The following GARIN5B variants were observed in gnomAD, a reference collection of about 807,000 sequenced individuals.
GARIN5B encodes golgi associated RAB2 interactor family member 5B.
At chr19:55,359,526 G>T in the GARIN5B span, 2 of 1,551,210 alleles carry the variant, frequency 1.3e-6, no homozygotes, top group Non-Finnish European at 1.7e-6. Context: ...TTCCGGGGAG[G>T]AGCTGACGCA....
chr19:55,360,602 G>A, the GARIN5B span: 1 of 1,413,496 alleles, frequency 7.1e-7, no homozygotes. Context: ...CCAGGTCCCA[G>A]CCTCTCCTCC....
the GARIN5B span, chr19:55,358,994 A>C: frequency 6.4e-7 from 1 of 1,551,174 alleles, no homozygotes; most frequent in Admixed American, 2.0e-5. Flanking sequence ...GGTTTGGCTA[A>C]TCAGGATGTC....
the GARIN5B span, chr19:55,360,921 C>T: frequency 1.9e-5 from 29 of 1,542,248 alleles, no homozygotes; most frequent in African/African-American, 1.5e-4. Flanking sequence ...GGAGCAATAC[C>T]GTGGGACTTT....
the GARIN5B span, chr19:55,358,934 C>A: frequency 2.6e-6 from 4 of 1,551,092 alleles, no homozygotes. Context: ...CCAGTGGGCC[C>A]AGTCCTCCAA....
At chr19:55,359,977 G>A in the GARIN5B span, 1 of 1,544,542 alleles carries the variant, frequency 6.5e-7, no homozygotes, top group Non-Finnish European at 8.7e-7. Flanking sequence ...CAGATGTGCA[G>A]GCCTGTAGGT....
chr19:55,358,960 GA>G, the GARIN5B span: 2 of 1,551,216 alleles, frequency 1.3e-6, no homozygotes, highest in South Asian at 2.4e-5. Context: ...CCTGGCCCCT[GA>G]AGGCCTCCAG....
chr19:55,357,293 G>A, the GARIN5B span, among the ~76,000 whole-genome samples: 3 of 151,902 alleles, frequency 2.0e-5, no homozygotes, highest in Non-Finnish European at 4.4e-5. Context: ...ACATAAATCC[G>A]TCTCCATCAT....
At chr19:55,360,490 CCCACCCCTCCTCCCTCAGACACAGA>C in the GARIN5B span, among the ~76,000 whole-genome samples, 10 of 147,442 alleles carry the variant, frequency 6.8e-5, no homozygotes, top group South Asian at 2.2e-4. Context: ...GTCCAGGCCC[CCCACCCCTCCTCCCTCAGACACAGA>C]AGTCCAGGCC....
the GARIN5B span, chr19:55,359,573 G>C: frequency 6.4e-7 from 1 of 1,551,230 alleles, no homozygotes; most frequent in East Asian, 2.4e-5. Context: ...TCCAGGTGGG[G>C]GTTTCCACGA....
the GARIN5B span, chr19:55,363,188 G>C: frequency 9.5e-7 from 1 of 1,051,194 alleles, no homozygotes; most frequent in Non-Finnish European, 1.3e-6. The surrounding 1 kb of genome is among the most constrained non-coding windows in gnomAD (Gnocchi z 4.0). Context: ...CAGCGTTACA[G>C]AGCGTGGAGA....
chr19:55,359,181 C>A, the GARIN5B span: 1 of 1,551,340 alleles, frequency 6.4e-7, no homozygotes, highest in Non-Finnish European at 8.7e-7. Context: ...ACGTCAAAAT[C>A]GCCAGGGAGC....
the GARIN5B span, chr19:55,362,842 C>T: frequency 6.8e-7 from 1 of 1,470,882 alleles, no homozygotes; most frequent in Non-Finnish European, 9.1e-7. Flanking sequence ...CCCGTTCCCT[C>T]TCAAGATCCC....
chr19:55,362,037 C>T, the GARIN5B span, among the ~76,000 whole-genome samples: 6 of 150,470 alleles, frequency 4.0e-5, no homozygotes, highest in African/African-American at 1.5e-4. Flanking sequence ...GTCCAGGCCC[C>T]CAGCTCCTCC....
At chr19:55,362,384 A>C in the GARIN5B span, 1 of 1,550,302 alleles carries the variant, frequency 6.5e-7, no homozygotes, top group Non-Finnish European at 8.7e-7. Context: ...CAGGAAGCCC[A>C]CCTCGTTGTC....
chr19:55,362,352 T>C, the GARIN5B span: 9 of 1,550,524 alleles, frequency 5.8e-6, no homozygotes, highest in Non-Finnish European at 7.8e-6. Context: ...AGCAGGTTGA[T>C]GAGGCGGACC....
the GARIN5B span, among the ~76,000 whole-genome samples, chr19:55,357,791 C>T: frequency 2.6e-5 from 4 of 152,204 alleles, no homozygotes; most frequent in African/African-American, 7.2e-5. Flanking sequence ...TGGTGGCTCA[C>T]GCCTGTAATC....
chr19:55,362,334 G>A, the GARIN5B span: 1 of 1,550,528 alleles, frequency 6.4e-7, no homozygotes, highest in South Asian at 1.2e-5. Flanking sequence ...GTGGGAGCCG[G>A]CTCCTGAAGC....
chr19:55,360,801 G>C, the GARIN5B span: 1 of 1,551,376 alleles, frequency 6.4e-7, no homozygotes, highest in Non-Finnish European at 8.7e-7. Flanking sequence ...GCCCTTTGGG[G>C]CAGGAACCAG....
chr19:55,359,839 GT>G, the GARIN5B span: 1 of 1,551,536 alleles, frequency 6.4e-7, no homozygotes, highest in Non-Finnish European at 8.7e-7. Flanking sequence ...GGTCTTCCGT[GT>G]CCTGATGCCA....
Sources: gnomAD v4.1 joint callset for allele counts (sites outside exome capture counted in the v4.1 genomes callset) on GRCh38, gnomAD v4.1.1 for gene constraint, Gnocchi (gnomAD v3.1) non-coding constraint, MANE v1.5 for transcripts, NCBI Gene and HGNC (gene_info 2026-07-23, HGNC 2026-07-21) for gene names.